The following SH3TC2 variants were observed in gnomAD, a reference collection of about 807,000 sequenced individuals.
The protein encoded by SH3TC2 is SH3 domain and tetratricopeptide repeat-containing protein 2.
In SH3TC2, 87 loss-of-function variants were observed where a neutral mutation model predicts 124.5. The ratio of observed to expected loss-of-function variants is 0.70; its 90% CI spans 0.59 to 0.84. The LOEUF is 0.84. Ranked by LOEUF, SH3TC2 falls within the 40% of genes least tolerant of loss-of-function variation. The probability of loss-of-function intolerance (pLI) is 0.00; values close to 1 mark genes in which losing one functional copy is unlikely to be tolerated. For missense variants in SH3TC2, 1,536 were observed against 1,566.4 expected (o/e 0.98, Z 0.33); for synonymous variants, 634 against 628.5 (o/e 1.01, Z -0.13).
chr5:149,035,826 T>C (rs1754274686), intron 8 of SH3TC2: 1 of 152,218 alleles, frequency 6.6e-6, no homozygotes, highest in African/African-American at 2.4e-5. Context: ...GAAAATATGA[T>C]GACTGAATTA....
At chr5:149,012,760 G>T (rs1753806003) in intron 12 of SH3TC2, 26 bp from the exon 13 acceptor site, 2 of 1,613,950 alleles carry the variant, frequency 1.2e-6, no homozygotes, top group Non-Finnish European at 1.7e-6. Context: ...AACTTGTGAG[G>T]TGTGAAGGCT....
intron 7 of SH3TC2, among the ~76,000 whole-genome samples, chr5:149,040,260 C>T (rs750807376): frequency 6.6e-6 from 1 of 152,104 alleles, no homozygotes; most frequent in Non-Finnish European, 1.5e-5. Flanking sequence ...GCCCACAGGC[C>T]GCATTTGGCT....
At chr5:149,038,970 C>T (rs1754327165) in intron 7 of SH3TC2, among the ~76,000 whole-genome samples, 1 of 152,156 alleles carries the variant, frequency 6.6e-6, no homozygotes, top group South Asian at 2.1e-4. Context: ...CCTCAGTCTC[C>T]CCAACTGGAA....
In SH3TC2 at chr5:149,047,036, A is replaced by G. The variant is rs543238116; in HGVS notation, c.279+826T>C. Reference sequence around the variant, plus strand: ...AAACTGTAAAAAGTAACTAGAACATATTAGTTTATGTAAAGTAATATTATC... The same window carrying G: ...AAACTGTAAAAAGTAACTAGAACATGTTAGTTTATGTAAAGTAATATTATC... On this transcript the variant is annotated intron_variant, in intron 3 of 16. Coordinates refer to ENST00000515425, the MANE Select transcript of SH3TC2 (RefSeq NM_024577.4). 1.8e-4 allele frequency: 28 copies of G among 152,248 alleles called. No homozygotes were observed. The East Asian group carries it at 5.2e-3, about 28-fold the overall frequency. 9.4% of individuals were successfully genotyped at this position (152,248 alleles called of 1,614,324 possible).
Position 149,038,418 on chromosome 5 carries a change from T to C in SH3TC2, c.878A>G (p.Glu293Gly). 6.2e-7 allele frequency: 1 copy of C among 1,614,132 alleles called. No homozygotes were observed. The highest frequency in any genetic ancestry group is 8.5e-7 in the Non-Finnish European group (1 of 1,180,006). ...EKDELNFYQG[E>G]SIEIIGFVIP... ...GACAAAGCCGATGATCTCAATGCTT[T>C]CTCCCTGGTAGAAATTCAGTTCATC... The change falls in exon 8 of 17, where the codon GAA (glutamate) becomes GGA (glycine). Residue 293 changes from glutamate to glycine, a missense_variant. Physicochemically the swap from Glu to Gly is moderately conservative, Grantham distance 98. Around this residue, in one of 3 missense-constraint regions of SH3TC2, gnomAD observed 1,102 missense variants for 1,098.6 expected, o/e 1.00. Coordinates refer to ENST00000515425, the MANE Select transcript of SH3TC2 (RefSeq NM_024577.4).
intron 7 of SH3TC2, 43 bp downstream of exon 7, chr5:149,040,561 A>G (rs1348445770): frequency 6.4e-7 from 1 of 1,558,944 alleles, no homozygotes; most frequent in Non-Finnish European, 8.9e-7. Context: ...AGGCAGGACA[A>G]CATTATCTCC....
intron 13 of SH3TC2, among the ~76,000 whole-genome samples, chr5:149,010,872 T>C (rs888091868): frequency 2.6e-5 from 4 of 152,060 alleles, no homozygotes; most frequent in Non-Finnish European, 4.4e-5. Context: ...AATGGAAAAA[T>C]AGTGATCCAC....
In SH3TC2 at chr5:148,983,880, G is replaced by T. The variant is rs1002291948; in HGVS notation, c.*20831C>A. Among the ~76,000 whole-genome samples the T allele has an allele frequency of 1.3e-5, 2 of 152,192 alleles. No homozygotes were observed. The highest frequency in any genetic ancestry group is 2.9e-5 in the Non-Finnish European group (2 of 68,040). ...CTGAAACTGCATGAAGCTTAGGAAT[G>T]AACAGGGAAAGCACATCCAAGAGAT... On this transcript the variant is annotated 3_prime_UTR_variant, in exon 17 of 17. Transcript: ENST00000515425.
intron 1 of SH3TC2, 54 bp downstream of exon 1, chr5:149,062,917 C>T (rs1754778693): frequency 3.9e-6 from 6 of 1,524,366 alleles, no homozygotes; most frequent in Non-Finnish European, 5.4e-6. Flanking sequence ...TGAGCCTCTA[C>T]TGGACCATCC....
intron 1 of SH3TC2, among the ~76,000 whole-genome samples, chr5:149,060,088 G>A (rs553582575): frequency 6.6e-5 from 10 of 152,276 alleles, no homozygotes; most frequent in Non-Finnish European, 1.5e-4. Flanking sequence ...TTATCAAAAA[G>A]GTTGAAAGGA....
chr5:149,033,073 C>A (rs758211852), intron 8 of SH3TC2, among the ~76,000 whole-genome samples: 1 of 151,892 alleles, frequency 6.6e-6, no homozygotes, highest in Non-Finnish European at 1.5e-5. Context: ...TTTTTTTAAT[C>A]CATGTTTGTA....
rs192473185 is a variant in SH3TC2 at position 149,049,765 on chromosome 5, G to A, written c.152-1776C>T. ...ACCACTGCACTCCAGCCTGGGCAAC[G>A]GAGCAAGACCCTGTCTCAAGGAAAA... On this transcript the variant is annotated intron_variant, in intron 2 of 16. Coordinates refer to ENST00000515425, the MANE Select transcript of SH3TC2 (RefSeq NM_024577.4). Among the ~76,000 whole-genome samples the A allele has an allele frequency of 2.5e-3, 373 of 151,840 alleles. 1 individual carries two copies. Among genetic ancestry groups the A allele is most frequent in the African/African-American group, 8.2e-3 (340 of 41,400 alleles).
Position 149,028,572 on chromosome 5 carries a change from G to T in SH3TC2, c.1178-18C>A. ...CTGGGATGCTGTAAGGACAGGCAAAGTTGAGCAACCTTGGGCACCTGCACC... is the reference window on the plus strand; with the variant it reads ...CTGGGATGCTGTAAGGACAGGCAAATTTGAGCAACCTTGGGCACCTGCACC... On this transcript the variant is annotated intron_variant, in intron 10 of 16. Coordinates refer to ENST00000515425, the MANE Select transcript of SH3TC2 (RefSeq NM_024577.4). The T allele has an allele frequency of 1.2e-6, 2 of 1,614,174 alleles. No homozygotes were observed. Among genetic ancestry groups the T allele is most frequent in the Non-Finnish European group, 1.7e-6 (2 of 1,180,028 alleles).
Position 148,998,167 on chromosome 5 carries a change from T to C in SH3TC2, c.*6544A>G, listed in dbSNP as rs918367844. Among the ~76,000 whole-genome samples, 5 of 152,228 alleles carry C rather than the reference T, an allele frequency of 3.3e-5. No homozygotes were observed. The highest frequency in any genetic ancestry group is 1.2e-4 in the African/African-American group (5 of 41,444). ...AAAACAGAATGTATGAGTGCATTTC[T>C]CTATGTTGTTGCATATGCACAAACA... On this transcript the variant is annotated 3_prime_UTR_variant, in exon 17 of 17. Transcript: ENST00000515425.
chr5:149,036,378 C>T (rs1401532552), intron 8 of SH3TC2, among the ~76,000 whole-genome samples: 1 of 152,094 alleles, frequency 6.6e-6, no homozygotes. Context: ...AGCCCCGCCT[C>T]CCCCGCAGCT....
chr5:149,048,074 C>T (rs956608468), intron 2 of SH3TC2, 85 bp from the exon 3 acceptor site: 1 of 1,575,778 alleles, frequency 6.3e-7, no homozygotes, highest in South Asian at 1.1e-5. Context: ...GTTTCCCCTA[C>T]ATGTATACCT....
chr5:149,034,598 T>C lies in SH3TC2; in HGVS notation c.1002-2911A>G, dbSNP rs575285457. 1.8e-4 allele frequency: 46 copies of C among 259,852 alleles called. 1 individual carries two copies. Among genetic ancestry groups the C allele is most frequent in the African/African-American group, 9.4e-4 (41 of 43,676 alleles). 16.1% of individuals were successfully genotyped at this position (259,852 alleles called of 1,614,324 possible). Reference sequence around the variant, plus strand: ...TATGCTTACAGGTCTTTTTAAGTTCTCTATTTCTCCTACGCCTCCTTTCTT... The same window carrying C: ...TATGCTTACAGGTCTTTTTAAGTTCCCTATTTCTCCTACGCCTCCTTTCTT... On this transcript the variant is annotated intron_variant, in intron 8 of 16. Coordinates refer to ENST00000515425, the MANE Select transcript of SH3TC2 (RefSeq NM_024577.4).
rs916409880 is a variant in SH3TC2, at chr5:148,988,120, C to A, written c.*16591G>T. Reference sequence around the variant, plus strand: ...ACAAGGCTGGGTTCTTTTGGCCTTACTGGGTAATAAAAACTCTATGCACAC... The same window carrying A: ...ACAAGGCTGGGTTCTTTTGGCCTTAATGGGTAATAAAAACTCTATGCACAC... On this transcript the variant is annotated 3_prime_UTR_variant, in exon 17 of 17. Coordinates refer to ENST00000515425, the MANE Select transcript of SH3TC2 (RefSeq NM_024577.4). 1.3e-5 allele frequency among the ~76,000 whole-genome samples: 2 copies of A among 152,094 alleles called. No homozygotes were observed. The highest frequency in any genetic ancestry group is 4.8e-5 in the African/African-American group (2 of 41,404).
At chr5:149,042,353 T>A (rs1754385780) in intron 5 of SH3TC2, among the ~76,000 whole-genome samples, 1 of 152,222 alleles carries the variant, frequency 6.6e-6, no homozygotes, top group African/African-American at 2.4e-5. Context: ...CGATTTTGGG[T>A]AGACATTAGA....
Sources: allele counts gnomAD v4.1 joint callset (sites outside exome capture counted in the v4.1 genomes callset), GRCh38; gene constraint gnomAD v4.1.1; regional missense constraint gnomAD v4.1.1; transcripts MANE v1.5; gene names NCBI Gene and HGNC (gene_info 2026-07-23, HGNC 2026-07-21).